The following CADPS variants were observed in gnomAD, a reference collection of about 807,000 sequenced individuals.
CADPS encodes calcium-dependent secretion activator 1.
In CADPS, 57 loss-of-function variants were observed where a neutral mutation model predicts 167.3. The ratio of observed to expected loss-of-function variants is 0.34; its 90% CI spans 0.28 to 0.42. The LOEUF is 0.42. CADPS is among the 20% of genes least tolerant of loss of function. The pLI, the probability that CADPS is intolerant of heterozygous loss-of-function variation, is 1.00. For missense variants in CADPS, 1,414 were observed against 1,738.1 expected (o/e 0.81, Z 3.32); for synonymous variants, 676 against 635.3 (o/e 1.06, Z -0.96).
At chr3:62,560,930 T>G (rs2152373290) in intron 9 of CADPS, among the ~76,000 whole-genome samples, 1 of 151,818 alleles carries the variant, frequency 6.6e-6, no homozygotes, top group Middle Eastern at 3.4e-3. Context: ...AATACAAAAA[T>G]TAGCTGGACG....
At chr3:62,524,798 A>T (rs941420973) in intron 13 of CADPS, among the ~76,000 whole-genome samples, 1 of 152,206 alleles carries the variant, frequency 6.6e-6, no homozygotes, top group Non-Finnish European at 1.5e-5. Context: ...AACACATCAG[A>T]TGATTAGAGA....
chr3:62,868,798 TA>T, intron 1 of CADPS, among the ~76,000 whole-genome samples: 1 of 152,162 alleles, frequency 6.6e-6, no homozygotes, highest in South Asian at 2.1e-4. Context: ...AATGAATTTG[TA>T]AGTCTTGGTA....
At chr3:62,537,645 C>A (rs955196472) in intron 11 of CADPS, among the ~76,000 whole-genome samples, 4 of 151,984 alleles carry the variant, frequency 2.6e-5, no homozygotes, top group African/African-American at 9.7e-5. Flanking sequence ...CAGGAACTAG[C>A]GATGCTGTCA....
rs1286286763 is a variant in CADPS at position 62,491,320 on chromosome 3, T to C, written c.3026+19A>G. 1.2e-5 allele frequency: 19 copies of C among 1,612,224 alleles called. No individual in the cohort carries two copies. The highest frequency in any genetic ancestry group is 1.6e-5 in the Non-Finnish European group (19 of 1,179,308). Reference sequence around the variant, plus strand: ...CATTTGTACCCAAACTCCGATGGTATCAAAAAAGGTTTCCTTACTTGACTG... The same window carrying C: ...CATTTGTACCCAAACTCCGATGGTACCAAAAAAGGTTTCCTTACTTGACTG... On this transcript the variant is annotated intron_variant, in intron 21 of 29. Transcript: ENST00000383710.
At chr3:62,845,101 A>C (rs1315871566) in intron 1 of CADPS, among the ~76,000 whole-genome samples, 4 of 152,310 alleles carry the variant, frequency 2.6e-5, no homozygotes, top group African/African-American at 9.6e-5. Flanking sequence ...GGGTAGAATA[A>C]GTTCTAAGTG....
chr3:62,649,541 G>GTGTTT (rs1212818484), intron 5 of CADPS, among the ~76,000 whole-genome samples: 1 of 75,004 alleles, frequency 1.3e-5, no homozygotes, highest in African/African-American at 4.8e-5. Context: ...ACAATATGTG[G>GTGTTT]TCTTTTTTTT....
intron 1 of CADPS, among the ~76,000 whole-genome samples, chr3:62,850,064 T>C (rs1473114156): frequency 3.7e-4 from 41 of 111,046 alleles, no homozygotes; most frequent in Admixed American, 1.6e-3. Context: ...TTTATTTGTG[T>C]AGAGGTGTTT....
intron 3 of CADPS, among the ~76,000 whole-genome samples, chr3:62,666,876 TG>T (rs904848292): frequency 2.0e-5 from 3 of 152,188 alleles, no homozygotes; most frequent in East Asian, 1.9e-4. Flanking sequence ...AGGGTGGAGT[TG>T]CACCCTTGCA....
chr3:62,790,990 G>A (rs2092886769), intron 1 of CADPS, among the ~76,000 whole-genome samples: 1 of 108,786 alleles, frequency 9.2e-6, no homozygotes. Flanking sequence ...ACATGTGTTG[G>A]CTCCTAAGTA....
intron 1 of CADPS, among the ~76,000 whole-genome samples, chr3:62,811,652 G>C (rs974118742): frequency 1.4e-4 from 21 of 152,098 alleles, no homozygotes; most frequent in Non-Finnish European, 1.5e-5. Flanking sequence ...CTAATGTTTT[G>C]CTCAGGCAGC....
chr3:62,399,566 C>T lies in CADPS; in HGVS notation c.3902G>A (p.Arg1301Gln), dbSNP rs755694732. ...RMVKKTYRDFRLQGVLDSTLN... is the reference protein window; with the variant it reads ...RMVKKTYRDFQLQGVLDSTLN... ...GGTGGAGTCCAGGACCCCTTGCAAT[C>T]GGAAATCTCTGTAGGTTTTCTAAGG... The change falls in exon 30 of 30, where the codon CGA (arginine) becomes CAA (glutamine). Residue 1301 changes from arginine to glutamine, a missense_variant. This residue lies in a region of CADPS where 185 missense variants were observed against 251.5 expected (regional missense o/e 0.74). Transcript: ENST00000383710. The surrounding 1 kb of genome is among the most constrained non-coding windows in gnomAD (Gnocchi z 5.6). 3.1e-6 allele frequency: 5 copies of T among 1,613,894 alleles called. No homozygotes were observed. Among genetic ancestry groups the T allele is most frequent in the South Asian group, 1.1e-5 (1 of 91,054 alleles).
chr3:62,780,760 A>G (rs983699743), intron 1 of CADPS, among the ~76,000 whole-genome samples: 1 of 152,222 alleles, frequency 6.6e-6, no homozygotes, highest in Admixed American at 6.5e-5. Flanking sequence ...CTGGCTGCCT[A>G]TAAAAATCTC....
chr3:62,825,236 G>A (rs2073826099), intron 1 of CADPS, among the ~76,000 whole-genome samples: 1 of 152,052 alleles, frequency 6.6e-6, no homozygotes, highest in South Asian at 2.1e-4. Context: ...AGCTTGGAGG[G>A]GAACTAGCTT....
intron 1 of CADPS, among the ~76,000 whole-genome samples, chr3:62,801,361 G>C (rs11712126): frequency 0.18 from 26,887 of 151,900 alleles, 2,786 homozygotes; most frequent in Middle Eastern, 0.3. Context: ...TAAGCACATA[G>C]AATTTATATT....
chr3:62,560,356 G>A (rs1195649841), intron 9 of CADPS, among the ~76,000 whole-genome samples: 1 of 152,158 alleles, frequency 6.6e-6, no homozygotes, highest in African/African-American at 2.4e-5. Flanking sequence ...ATGTTCCTCT[G>A]TCGTAGTAGA....
chr3:62,725,073 T>G (rs1161056445), intron 3 of CADPS, among the ~76,000 whole-genome samples: 1 of 152,196 alleles, frequency 6.6e-6, no homozygotes, highest in Non-Finnish European at 1.5e-5. Context: ...CTTTGCTTCT[T>G]TCCCATACTT....
At chr3:62,766,110 G>C in intron 1 of CADPS, 126 bp from the exon 2 acceptor site, 1 of 469,922 alleles carries the variant, frequency 2.1e-6, no homozygotes, top group Non-Finnish European at 3.8e-6. Flanking sequence ...TGTGACAGCT[G>C]ATTAGTGAAT....
chr3:62,547,592 C>CG (rs1188586868), intron 11 of CADPS, among the ~76,000 whole-genome samples: 8 of 103,300 alleles, frequency 7.7e-5, no homozygotes, highest in Non-Finnish European at 1.4e-4. Context: ...TTACGCCCCC[C>CG]CCCCCCCGCA....
intron 3 of CADPS, among the ~76,000 whole-genome samples, chr3:62,701,792 C>T (rs955513706): frequency 6.6e-6 from 1 of 151,976 alleles, no homozygotes; most frequent in African/African-American, 2.4e-5. Context: ...CCTGGAAGAG[C>T]ATGGTTTGCT....
Sources: allele counts gnomAD v4.1 joint callset (sites outside exome capture counted in the v4.1 genomes callset), GRCh38; gene constraint gnomAD v4.1.1; regional missense constraint gnomAD v4.1.1; non-coding constraint Gnocchi (gnomAD v3.1); transcripts MANE v1.5; gene names NCBI Gene and HGNC (gene_info 2026-07-23, HGNC 2026-07-21).